LAMB1: variants seen among roughly 807,000 people sequenced by gnomAD.
The protein encoded by LAMB1 is laminin subunit beta 1.
In LAMB1, 121 loss-of-function variants were observed where a neutral mutation model predicts 222.3. The observed-to-expected ratio is 0.54, with a 90% confidence interval of 0.47 to 0.63. The LOEUF (loss-of-function observed/expected upper bound fraction) is 0.63. Among genes scored for constraint, LAMB1 ranks in the 30% least tolerant of loss-of-function variants. The pLI is 0.00. For missense variants in LAMB1, 2,172 were observed against 2,240.8 expected (o/e 0.97, Z 0.62); for synonymous variants, 794 against 807.2 (o/e 0.98, Z 0.28).
intron 5 of LAMB1, among the ~76,000 whole-genome samples, chr7:107,986,706 G>A (rs564798148): frequency 7.9e-5 from 12 of 152,260 alleles, no homozygotes; most frequent in Non-Finnish European, 1.8e-4. Context: ...TTGAGTGCTC[G>A]TTCCTTCATT....
At chr7:107,975,549 A>C (rs2033835655) in intron 10 of LAMB1, 136 bp from the exon 11 acceptor site, 1 of 1,218,802 alleles carries the variant, frequency 8.2e-7, no homozygotes, top group Non-Finnish European at 1.1e-6. Flanking sequence ...AGTAAATTCC[A>C]CTCCCAGCGT....
intron 8 of LAMB1, among the ~76,000 whole-genome samples, chr7:107,979,878 A>T (rs1223179100): frequency 6.6e-6 from 1 of 152,200 alleles, no homozygotes; most frequent in Non-Finnish European, 1.5e-5. Context: ...GTTTGAGATC[A>T]GCCTGACCAA....
intron 3 of LAMB1, among the ~76,000 whole-genome samples, chr7:107,999,251 G>A (rs1295128421): frequency 6.6e-6 from 1 of 152,194 alleles, no homozygotes; most frequent in Non-Finnish European, 1.5e-5. Context: ...AGCCACCTGG[G>A]CAGTTGGGTT....
intron 32 of LAMB1, 124 bp downstream of exon 32, chr7:107,926,059 G>T (rs757481276): frequency 2.8e-6 from 2 of 706,336 alleles, no homozygotes; most frequent in Admixed American, 2.5e-5. Context: ...TGCAAAACAG[G>T]TCATTTGATA....
At chr7:107,949,628 G>T (rs2033199463) in intron 24 of LAMB1, among the ~76,000 whole-genome samples, 1 of 152,188 alleles carries the variant, frequency 6.6e-6, no homozygotes, top group African/African-American at 2.4e-5. Flanking sequence ...GGAGAATGAT[G>T]AAAGAAAAGT....
intron 9 of LAMB1, among the ~76,000 whole-genome samples, chr7:107,976,385 T>C (rs994312426): frequency 6.6e-6 from 1 of 152,182 alleles, no homozygotes; most frequent in African/African-American, 2.4e-5. Context: ...GGCCAGGCCA[T>C]AGTAAGGAAG....
At chr7:107,946,871 T>C (rs1562982771) in intron 24 of LAMB1, among the ~76,000 whole-genome samples, 1 of 152,190 alleles carries the variant, frequency 6.6e-6, no homozygotes, top group Non-Finnish European at 1.5e-5. Flanking sequence ...ACGAGCATGA[T>C]GGGGAAGTGG....
chr7:107,964,525 C>A, intron 14 of LAMB1, 27 bp downstream of exon 14: 1 of 1,613,648 alleles, frequency 6.2e-7, no homozygotes, highest in Non-Finnish European at 8.5e-7. Context: ...ACTGCTTTAC[C>A]GACCTGCCAC....
intron 8 of LAMB1, among the ~76,000 whole-genome samples, chr7:107,979,717 A>C (rs2033935920): frequency 6.6e-6 from 1 of 152,204 alleles, no homozygotes; most frequent in Non-Finnish European, 1.5e-5. Flanking sequence ...TAGGAGGAAA[A>C]GATAGAAAGA....
Position 107,953,583 on chromosome 7 carries a change from C to CA in LAMB1, c.3025dup (p.Cys1009LeufsTer11). 6.2e-7 allele frequency: 1 copy of CA among 1,614,206 alleles called. No individual in the cohort carries two copies. Among genetic ancestry groups the CA allele is most frequent in the Non-Finnish European group, 8.5e-7 (1 of 1,180,038 alleles). On this transcript the variant is annotated frameshift_variant, in exon 22 of 34. Coordinates refer to ENST00000222399, the MANE Select transcript of LAMB1 (RefSeq NM_002291.3). LOFTEE classifies it high-confidence loss of function. ...ATAGTATCCAAACCGGCAGAACTGA[C>CA]AGTGTTCCCCTTCCGTGTGGTACAG...
rs34337564 is a variant in LAMB1, at chr7:107,937,003, CT to C, written c.3946+89del. The C allele has an allele frequency of 0.39, 417,830 of 1,070,934 alleles. 82,425 individuals carry two copies. The highest frequency in any genetic ancestry group is 0.42 in the Non-Finnish European group (314,273 of 754,538). 66.3% of individuals were successfully genotyped at this position (1,070,934 alleles called of 1,614,324 possible). The stretch of plus-strand genomic sequence containing the variant: ...AAAAGTTTTAAAATTTATTAGAAAA[CT>C]TTTTTTTTTCCCCAAAAGTGCTATA... On this transcript the variant is annotated intron_variant, in intron 26 of 33. Transcript: ENST00000222399.
At chr7:107,994,990 T>A (rs750240638) in intron 4 of LAMB1, 30 bp from the exon 5 acceptor site, 3 of 1,197,208 alleles carry the variant, frequency 2.5e-6, no homozygotes, top group Non-Finnish European at 3.7e-6. Context: ...AATAAAACAA[T>A]AAATGAAACT....
chr7:108,001,320 G>A (rs2034377971), intron 3 of LAMB1, among the ~76,000 whole-genome samples: 1 of 152,234 alleles, frequency 6.6e-6, no homozygotes, highest in Non-Finnish European at 1.5e-5. Context: ...GGCAGCCAGG[G>A]CTGTCGGCAG....
Position 107,960,532 on chromosome 7 carries a change from T to G in LAMB1, c.2227A>C (p.Ser743Arg), listed in dbSNP as rs1285627572. The G allele has an allele frequency of 1.2e-6, 2 of 1,614,246 alleles. No homozygotes were observed. Among genetic ancestry groups the G allele is most frequent in the Non-Finnish European group, 1.7e-6 (2 of 1,180,024 alleles). Residue 743 changes from serine (S) to arginine (R), a missense_variant, in exon 18 of 34, where the codon AGC (serine) becomes CGC (arginine). Transcript: ENST00000222399. Reference sequence around the variant, plus strand: ...ATCGGTGTTTTCACAACGCTTCTGCTGTTCTCTAGACATCGGTATCTCTGA... The same window carrying G: ...ATCGGTGTTTTCACAACGCTTCTGCGGTTCTCTAGACATCGGTATCTCTGA... ...TFQRYRCLEN[S>R]RSVVKTPMTD...
intron 8 of LAMB1, among the ~76,000 whole-genome samples, chr7:107,979,605 T>G (rs903931241): frequency 6.6e-6 from 1 of 152,078 alleles, no homozygotes; most frequent in South Asian, 2.1e-4. Flanking sequence ...TAGATACTAA[T>G]AGAATAAACT....
chr7:107,962,763 G>A (rs1280219787), intron 15 of LAMB1, 142 bp downstream of exon 15: 2 of 494,788 alleles, frequency 4.0e-6, no homozygotes, highest in Non-Finnish European at 6.8e-6. Context: ...TAACTTCCAT[G>A]GAGGAGGTGA....
intron 24 of LAMB1, among the ~76,000 whole-genome samples, chr7:107,943,130 G>A (rs903215358): frequency 1.3e-5 from 2 of 152,190 alleles, no homozygotes; most frequent in Non-Finnish European, 2.9e-5. Flanking sequence ...GTGATCCGTA[G>A]ACCATACGTT....
chr7:107,983,276 T>C (rs181149856), intron 7 of LAMB1, among the ~76,000 whole-genome samples: 277 of 152,296 alleles, frequency 1.8e-3, no homozygotes, highest in African/African-American at 6.0e-3. Context: ...TGGAAGTTTT[T>C]TGGGGCCTTG....
intron 11 of LAMB1, 38 bp downstream of exon 11, chr7:107,975,196 A>G: frequency 6.3e-7 from 1 of 1,588,938 alleles, no homozygotes; most frequent in Non-Finnish European, 8.6e-7. Flanking sequence ...AATTTCAAAC[A>G]CAAGAAAACT....
Sources: gnomAD v4.1 joint callset for allele counts (sites outside exome capture counted in the v4.1 genomes callset) on GRCh38, gnomAD v4.1.1 for gene constraint, MANE v1.5 for transcripts, NCBI Gene and HGNC (gene_info 2026-07-23, HGNC 2026-07-21) for gene names.